The following TCF7L2 variants were observed in gnomAD, a reference collection of about 807,000 sequenced individuals.
The protein encoded by TCF7L2 is transcription factor 7 like 2.
A neutral mutation model predicts 77.9 loss-of-function variants in TCF7L2; 23 were observed. The ratio of observed to expected loss-of-function variants is 0.30; its 90% CI spans 0.21 to 0.42. The LOEUF (loss-of-function observed/expected upper bound fraction) is 0.42, where lower values mean the gene tolerates loss of function less well. Among genes scored for constraint, TCF7L2 ranks in the 10% least tolerant of loss-of-function variants. The pLI is 1.00. For missense variants in TCF7L2, 654 were observed against 793.1 expected, an observed-to-expected ratio of 0.82 and a Z score of 2.11; for synonymous variants, 413 against 340.2, an observed-to-expected ratio of 1.21 and a Z score of -2.36.
chr10:113,058,531 G>A (rs891272322), intron 5 of TCF7L2, among the ~76,000 whole-genome samples: 16 of 152,052 alleles, frequency 1.1e-4, no homozygotes, highest in Admixed American at 2.6e-4. Flanking sequence ...GTGATCCTCC[G>A]GGCAGCTCAT....
rs959344701 is a variant in TCF7L2 at position 112,950,727 on chromosome 10, C to A, written c.-30C>A. ...CTTTTCTTCCTCCTTCATTTTTCTTCCAAAATTGCTGCTGGTGGGTGAAAA... is the reference window on the plus strand; with the variant it reads ...CTTTTCTTCCTCCTTCATTTTTCTTACAAAATTGCTGCTGGTGGGTGAAAA... On this transcript the variant is annotated 5_prime_UTR_variant, in exon 1 of 14. Transcript: ENST00000627217. 3.9e-6 allele frequency: 6 copies of A among 1,526,036 alleles called. No homozygotes were observed. Among genetic ancestry groups the A allele is most frequent in the African/African-American group, 1.4e-5 (1 of 70,914 alleles). 94.5% of individuals were successfully genotyped at this position (1,526,036 alleles called of 1,614,324 possible). A position where few individuals can be genotyped will look rare whatever the true frequency, so the allele number is the denominator to read the frequency against.
chr10:112,996,277 G>T (rs1390007319), intron 4 of TCF7L2, among the ~76,000 whole-genome samples: 1 of 152,180 alleles, frequency 6.6e-6, no homozygotes, highest in Non-Finnish European at 1.5e-5. Context: ...GGCGACCGAA[G>T]TGATATGGGG....
chr10:113,160,809 T>C, intron 13 of TCF7L2: 1 of 907,468 alleles, frequency 1.1e-6, no homozygotes, highest in South Asian at 1.8e-5. Context: ...CATCAATGAC[T>C]AATGATCCTC....
At chr10:113,029,450 G>A (rs374903361) in intron 4 of TCF7L2, among the ~76,000 whole-genome samples, 3 of 151,892 alleles carry the variant, frequency 2.0e-5, no homozygotes, top group Non-Finnish European at 4.4e-5. Flanking sequence ...TGTATAGAAC[G>A]GGTTCACAGG....
intron 5 of TCF7L2, among the ~76,000 whole-genome samples, chr10:113,080,140 A>G (rs981328003): frequency 6.6e-6 from 1 of 151,808 alleles, no homozygotes. Flanking sequence ...TTCTCACAAA[A>G]ATCCTCTTTA....
intron 3 of TCF7L2, among the ~76,000 whole-genome samples, chr10:112,956,362 T>C (rs2033610773): frequency 7.4e-6 from 1 of 135,896 alleles, no homozygotes; most frequent in South Asian, 2.4e-4. Context: ...TTTTTTTTTT[T>C]TTTTTAAATG....
intron 4 of TCF7L2, among the ~76,000 whole-genome samples, chr10:113,004,678 A>AT (rs926246602): frequency 1.4e-4 from 21 of 147,936 alleles, no homozygotes; most frequent in African/African-American, 3.5e-4. Flanking sequence ...TTTCTTTTTT[A>AT]TTTTTTTTTT....
At chr10:113,068,708 T>C (rs1591277891) in intron 5 of TCF7L2, among the ~76,000 whole-genome samples, 1 of 152,076 alleles carries the variant, frequency 6.6e-6, no homozygotes, top group East Asian at 1.9e-4. Context: ...TCAGCCATGA[T>C]GTGCTTGGCT....
chr10:113,157,816 A>G (rs556656849), intron 11 of TCF7L2: 5 of 538,710 alleles, frequency 9.3e-6, no homozygotes, highest in Middle Eastern at 1.0e-3. Flanking sequence ...TCTGCTCCCA[A>G]GAAGCGTGTG....
intron 5 of TCF7L2, among the ~76,000 whole-genome samples, chr10:113,100,697 G>A (rs1047822419): frequency 3.0e-4 from 45 of 152,352 alleles, no homozygotes; most frequent in African/African-American, 1.1e-3. Flanking sequence ...GAAAGGGAAG[G>A]TGGAGGAGTA....
chr10:113,166,196 C>A lies in TCF7L2; in HGVS notation c.*224C>A. On this transcript the variant is annotated 3_prime_UTR_variant, in exon 14 of 14. Coordinates refer to ENST00000627217, the MANE Select transcript of TCF7L2 (RefSeq NM_001146274.2). The stretch of plus-strand genomic sequence containing the variant: ...ATGAGAGAAGAACCTCATGATTCTA[C>A]CAAAATTTTTATCAACAGCTGTTTA... 2.5e-6 allele frequency: 1 copy of A among 399,438 alleles called. No homozygotes were observed. Among genetic ancestry groups the A allele is most frequent in the East Asian group, 3.8e-5 (1 of 26,266 alleles). The allele number at this position is 399,438 out of a possible 1,614,324, so 24.7% of individuals were successfully genotyped here.
At chr10:112,981,160 G>A (rs2040404342) in intron 4 of TCF7L2, among the ~76,000 whole-genome samples, 1 of 152,044 alleles carries the variant, frequency 6.6e-6, no homozygotes, top group South Asian at 2.1e-4. Flanking sequence ...TTTCATAATG[G>A]TGAAAGCAGA....
intron 5 of TCF7L2, among the ~76,000 whole-genome samples, chr10:113,100,198 AC>A (rs2061481658): frequency 6.6e-6 from 1 of 152,198 alleles, no homozygotes; most frequent in South Asian, 2.1e-4. Flanking sequence ...CACACTATAA[AC>A]AAAGCATCCC....
intron 4 of TCF7L2, among the ~76,000 whole-genome samples, chr10:112,969,896 G>A (rs2037851960): frequency 6.6e-6 from 1 of 152,230 alleles, no homozygotes; most frequent in Non-Finnish European, 1.5e-5. Flanking sequence ...TTGCCTTCAT[G>A]AAGAAAGCCC....
intron 5 of TCF7L2, among the ~76,000 whole-genome samples, chr10:113,093,090 C>T (rs2060570230): frequency 6.6e-6 from 1 of 152,124 alleles, no homozygotes; most frequent in Non-Finnish European, 1.5e-5. Flanking sequence ...ATGGGATATT[C>T]CCGCAGTCTG....
At chr10:113,070,863 A>G (rs1370982252) in intron 5 of TCF7L2, among the ~76,000 whole-genome samples, 2 of 152,232 alleles carry the variant, frequency 1.3e-5, no homozygotes, top group Non-Finnish European at 2.9e-5. Context: ...GAGTTGTGCG[A>G]GCATCGTCAC....
intron 3 of TCF7L2, among the ~76,000 whole-genome samples, chr10:112,958,584 C>A (rs1190881193): frequency 6.6e-6 from 1 of 152,016 alleles, no homozygotes. Flanking sequence ...CAGTGAGATT[C>A]TCTAAGAAAA....
At chr10:113,011,389 G>A (rs1333653988) in intron 4 of TCF7L2, among the ~76,000 whole-genome samples, 4 of 152,126 alleles carry the variant, frequency 2.6e-5, no homozygotes, top group African/African-American at 9.7e-5. Flanking sequence ...CTGTCCTCAG[G>A]GGCTTTGAAC....
intron 5 of TCF7L2, among the ~76,000 whole-genome samples, chr10:113,129,022 TCTGA>T (rs531751809): frequency 3.9e-4 from 60 of 152,256 alleles, no homozygotes; most frequent in African/African-American, 1.4e-3. Context: ...GAGTTAGCAT[TCTGA>T]CTATTGGAAT....
Sources: gnomAD v4.1 joint callset for allele counts (sites outside exome capture counted in the v4.1 genomes callset) on GRCh38, gnomAD v4.1.1 for gene constraint, MANE v1.5 for transcripts, NCBI Gene and HGNC (gene_info 2026-07-23, HGNC 2026-07-21) for gene names.